The following USP34 variants were observed in gnomAD, a reference collection of about 807,000 sequenced individuals.
USP34 encodes the protein ubiquitin carboxyl-terminal hydrolase 34.
A neutral mutation model predicts 460.3 loss-of-function variants in USP34; 70 were observed. The ratio of observed to expected loss-of-function variants is 0.15; its 90% CI spans 0.13 to 0.19. The LOEUF (loss-of-function observed/expected upper bound fraction) is 0.19. Among genes scored for constraint, USP34 ranks in the 10% least tolerant of loss-of-function variants. The pLI is 1.00. For synonymous variants in USP34, 1,647 were observed against 1,405.3 expected (o/e 1.17, Z -3.85); for missense variants, 3,985 against 4,236.2 (o/e 0.94, Z 1.65).
At chr2:61,385,292 C>G (rs993931788) in intron 5 of USP34, among the ~76,000 whole-genome samples, 13 of 152,124 alleles carry the variant, frequency 8.5e-5, no homozygotes, top group African/African-American at 2.9e-4. Context: ...CGAAATTCAT[C>G]TATAGATTCA....
intron 16 of USP34, among the ~76,000 whole-genome samples, chr2:61,342,477 T>A (rs577659766): frequency 1.1e-4 from 17 of 151,606 alleles, no homozygotes; most frequent in African/African-American, 2.9e-4. Context: ...ATTTATTTTT[T>A]TTTTTTGTAT....
chr2:61,444,322 A>G (rs946340554), intron 1 of USP34, among the ~76,000 whole-genome samples: 2 of 152,188 alleles, frequency 1.3e-5, no homozygotes, highest in Non-Finnish European at 2.9e-5. Context: ...ATTAAAATTG[A>G]TAGATGGCTT....
intron 1 of USP34, among the ~76,000 whole-genome samples, chr2:61,435,888 C>T (rs992122030): frequency 6.6e-6 from 1 of 152,004 alleles, no homozygotes. Context: ...ATGAGCCGGG[C>T]ATGGTGGAGT....
chr2:61,319,713 C>T (rs966920953), intron 21 of USP34, among the ~76,000 whole-genome samples: 4 of 151,922 alleles, frequency 2.6e-5, no homozygotes, highest in African/African-American at 7.3e-5. Context: ...GGCATGGTGG[C>T]GTGTGCCTGT....
At position 61,322,081 on chromosome 2, in the gene USP34, T is replaced by C. The variant is rs182431020; in HGVS notation, c.3014-2754A>G. Among the ~76,000 whole-genome samples the C allele has an allele frequency of 6.5e-3, 982 of 152,018 alleles. 4 individuals carry two copies. The highest frequency in any genetic ancestry group is 0.01 in the Admixed American group (160 of 15,276). ...CCATCTCTACTAAAAATACAAAAAA[T>C]TAGCTAGGCGTGGTGGCGCATGCCT... On this transcript the variant is annotated intron_variant, in intron 21 of 79. Transcript: ENST00000398571.
Position 61,280,312 on chromosome 2 carries a change from C to T in USP34, c.5188G>A (p.Gly1730Arg). 3 of 1,556,280 alleles carry T rather than the reference C, an allele frequency of 1.9e-6. No individual in the cohort carries two copies. Among genetic ancestry groups the T allele is most frequent in the Non-Finnish European group, 1.7e-6 (2 of 1,153,132 alleles). ...AACAACCAAAAATACTCTTTACATC[C>T]TGGTTTTAATATTGGTTCTTCCTCA... Reference protein sequence around the residue: ...DYEEEPILKPGCKEYFWLLCK... With the variant: ...DYEEEPILKPRCKEYFWLLCK... The change falls in exon 39 of 80, where the codon GGA (glycine) becomes AGA (arginine). Residue 1730 changes from glycine to arginine, a missense_variant. By Grantham distance (125) the Gly-to-Arg change is moderately radical. Coordinates refer to ENST00000398571, the MANE Select transcript of USP34 (RefSeq NM_014709.4).
At chr2:61,208,257 C>T (rs1687177169) in intron 70 of USP34, 1 of 152,206 alleles carries the variant, frequency 6.6e-6, no homozygotes, top group Non-Finnish European at 1.5e-5. Flanking sequence ...AAGAACGCAA[C>T]CATCTGTCTC....
At chr2:61,235,789 G>A (rs909299232) in intron 57 of USP34, 56 bp downstream of exon 57, 3 of 1,552,886 alleles carry the variant, frequency 1.9e-6, no homozygotes, top group Non-Finnish European at 2.6e-6. Flanking sequence ...AGATCAGAGG[G>A]GGGGAAAAAA....
chr2:61,270,394 T>C (rs1689176930), intron 41 of USP34, among the ~76,000 whole-genome samples: 1 of 152,232 alleles, frequency 6.6e-6, no homozygotes, highest in African/African-American at 2.4e-5. Flanking sequence ...TCCAGAATTG[T>C]GAAAAGTAAA....
intron 13 of USP34, 106 bp downstream of exon 13, chr2:61,349,144 A>T: frequency 2.2e-6 from 3 of 1,358,184 alleles, no homozygotes; most frequent in Non-Finnish European, 3.0e-6. Flanking sequence ...CTCAAAATGA[A>T]CTTTATGACT....
At position 61,395,012 on chromosome 2, in the gene USP34, TAAAG is replaced by T; in HGVS notation, c.604-14_604-11del. 1 of 1,570,054 alleles carries T rather than the reference TAAAG, an allele frequency of 6.4e-7. No individual in the cohort carries two copies. Among genetic ancestry groups the T allele is most frequent in the Non-Finnish European group, 8.6e-7 (1 of 1,166,088 alleles). ...ATGGTACTTCTACATCCTGGGAAAA[TAAAG>T]AAAACATGTCATTATTTGAAAACGT... On this transcript the variant is annotated splice_polypyrimidine_tract_variant and intron_variant, in intron 4 of 79. Transcript: ENST00000398571.
At position 61,348,879 on chromosome 2, in the gene USP34, A is replaced by T. The variant is rs763397977; in HGVS notation, c.1551T>A (p.Pro517=). ...LRRTAPSPWS[P]AASPQSSDNS... is the part of the protein sequence containing the mutation. Reference sequence around the variant, plus strand: ...TATCACTGCTTTGAGGACTAGCTGCAGGTGACCCTATATAAAATACATTTT... The same window carrying T: ...TATCACTGCTTTGAGGACTAGCTGCTGGTGACCCTATATAAAATACATTTT... Residue 517 remains proline (P), a synonymous_variant, in exon 14 of 80, where the codon CCT becomes CCA. Coordinates refer to ENST00000398571, the MANE Select transcript of USP34 (RefSeq NM_014709.4). 2.3e-5 allele frequency: 37 copies of T among 1,608,350 alleles called. No individual in the cohort carries two copies. Among genetic ancestry groups the T allele is most frequent in the Non-Finnish European group, 3.1e-5 (37 of 1,178,276 alleles).
At chr2:61,280,494 A>C (rs922567174) in intron 38 of USP34, 146 bp from the exon 39 acceptor site, 2 of 398,562 alleles carry the variant, frequency 5.0e-6, no homozygotes, top group Non-Finnish European at 8.7e-6. Flanking sequence ...GTACACGCTT[A>C]GTTTCTGTAA....
chr2:61,440,488 C>T (rs191267989), intron 1 of USP34, among the ~76,000 whole-genome samples: 1 of 151,978 alleles, frequency 6.6e-6, no homozygotes, highest in South Asian at 2.1e-4. Context: ...TTTTCCCCTC[C>T]ATTCTTCTTG....
chr2:61,463,607 G>A (rs1695671450), intron 1 of USP34, among the ~76,000 whole-genome samples: 1 of 152,124 alleles, frequency 6.6e-6, no homozygotes, highest in African/African-American at 2.4e-5. Context: ...GCCAAGGGAG[G>A]CGGATTACCT....
At chr2:61,189,726 C>A (rs1055697186) in intron 78 of USP34, 2 of 152,426 alleles carry the variant, frequency 1.3e-5, no homozygotes, top group Non-Finnish European at 2.9e-5. Context: ...AGTTAAAATT[C>A]TGATGGATGT....
chr2:61,399,036 T>C (rs956270761), intron 3 of USP34, among the ~76,000 whole-genome samples: 6 of 152,184 alleles, frequency 3.9e-5, no homozygotes, highest in African/African-American at 1.4e-4. Context: ...CCACGATTTC[T>C]AGTGCCTAAC....
chr2:61,458,356 T>C (rs979080055), intron 1 of USP34, among the ~76,000 whole-genome samples: 2 of 145,796 alleles, frequency 1.4e-5, no homozygotes, highest in African/African-American at 5.1e-5. Flanking sequence ...AGGTCAGGAG[T>C]TCAAGAGAAG....
rs1395800573 is a variant in USP34, at chr2:61,317,640, G to A, written c.3282+14C>T. The A allele has an allele frequency of 1.3e-6, 2 of 1,596,666 alleles. No individual in the cohort carries two copies. Among genetic ancestry groups the A allele is most frequent in the Non-Finnish European group, 1.7e-6 (2 of 1,168,052 alleles). On this transcript the variant is annotated intron_variant, in intron 23 of 79. Transcript: ENST00000398571. ...GGAATAAAGTTGCCTAATAAAGTAAGTCTAAATCCATACCTCAGAATTTGA... is the reference window on the plus strand; with the variant it reads ...GGAATAAAGTTGCCTAATAAAGTAAATCTAAATCCATACCTCAGAATTTGA...
Sources: gnomAD v4.1 joint callset for allele counts (sites outside exome capture counted in the v4.1 genomes callset) on GRCh38, gnomAD v4.1.1 for gene constraint, MANE v1.5 for transcripts, NCBI Gene and HGNC (gene_info 2026-07-23, HGNC 2026-07-21) for gene names.